The following ZNF362 variants were observed in gnomAD, a reference collection of about 807,000 sequenced individuals.
ZNF362 encodes rotund homolog.
In ZNF362, 11 loss-of-function variants were observed where a neutral mutation model predicts 42.9. That is an observed-to-expected ratio of 0.26 (90% CI 0.16 to 0.42). ZNF362 has a LOEUF of 0.42. Among genes scored for constraint, ZNF362 ranks in the 20% least tolerant of loss-of-function variants. The probability of loss-of-function intolerance (pLI) is 1.00; values close to 1 mark genes in which losing one functional copy is unlikely to be tolerated. For synonymous variants in ZNF362, 255 were observed against 257.3 expected, an observed-to-expected ratio of 0.99 and a Z score of 0.09; for missense variants, 362 against 576.2, an observed-to-expected ratio of 0.63 and a Z score of 3.81.
chr1:33,280,335 C>G lies in ZNF362; in HGVS notation c.561C>G (p.Pro187=), dbSNP rs745425657. 6.2e-7 allele frequency: 1 copy of G among 1,614,076 alleles called. No homozygotes were observed. Among genetic ancestry groups the G allele is most frequent in the Non-Finnish European group, 8.5e-7 (1 of 1,179,956 alleles). The change falls in exon 5 of 9, where the codon CCC becomes CCG. Residue 187 remains proline, a synonymous_variant. Coordinates refer to ENST00000539719, the MANE Select transcript of ZNF362 (RefSeq NM_152493.3). This position sits in a 1 kb window ranked among gnomAD's most constrained non-coding sequence, Gnocchi z 5.6. ...TCCAGGGCCACGGCCTGCTTGGCCCCCCCAAGTCCGAACGCGGCCGCAAAA... is the reference window on the plus strand; with the variant it reads ...TCCAGGGCCACGGCCTGCTTGGCCCGCCCAAGTCCGAACGCGGCCGCAAAA... ...KTIQGHGLLG[P]PKSERGRKKI...
chr1:33,165,475 G>T, the ZNF362 span: 1 of 1,601,156 alleles, frequency 6.2e-7, no homozygotes. The surrounding 1 kb of genome is among the most constrained non-coding windows in gnomAD (Gnocchi z 4.0). Context: ...GCTCACCTTG[G>T]TCTCCGCCAG....
At chr1:33,226,318 T>C in the ZNF362 span, among the ~76,000 whole-genome samples, 2 of 152,216 alleles carry the variant, frequency 1.3e-5, no homozygotes, top group Admixed American at 1.3e-4. Context: ...CAAAATCTTG[T>C]CTGGGGTCCA....
At chr1:33,279,555 T>C (rs925986951) in intron 4 of ZNF362, among the ~76,000 whole-genome samples, 1 of 152,174 alleles carries the variant, frequency 6.6e-6, no homozygotes, top group Non-Finnish European at 1.5e-5. Context: ...GTTGATATTA[T>C]GTTTCTAGTC....
chr1:33,279,646 C>CTTTTTTTTTTT (rs567406398), intron 4 of ZNF362, among the ~76,000 whole-genome samples: 1 of 147,344 alleles, frequency 6.8e-6, no homozygotes. Flanking sequence ...AGTTAAGCCT[C>CTTTTTTTTTTT]TTTTTTTTTT....
chr1:33,260,122 C>G (rs1645819637), intron 1 of ZNF362, among the ~76,000 whole-genome samples: 2 of 152,190 alleles, frequency 1.3e-5, no homozygotes, highest in South Asian at 4.1e-4. Context: ...AATTTGAGAA[C>G]CGTGATGCTG....
rs768412488 is a variant in ZNF362 at position 33,298,997 on chromosome 1, C to T, written c.1214C>T (p.Pro405Leu). ...GAGCACCTGGTGAGCCATCACTCGCCCCAGAGGACGGAGTCCCCCGGCATC... is the reference window on the plus strand; with the variant it reads ...GAGCACCTGGTGAGCCATCACTCGCTCCAGAGGACGGAGTCCCCCGGCATC... ...VVEHLVSHHS[P>L]QRTESPGIPV... Residue 405 changes from proline (P) to leucine (L), a missense_variant, in exon 9 of 9, where the codon CCC becomes CTC. Transcript: ENST00000539719. 3 of 1,613,140 alleles carry T rather than the reference C, an allele frequency of 1.9e-6. No individual in the cohort carries two copies. The highest frequency in any genetic ancestry group is 3.3e-5 in the Admixed American group (2 of 60,030).
At chr1:33,185,509 A>G in the ZNF362 span, among the ~76,000 whole-genome samples, 6 of 152,216 alleles carry the variant, frequency 3.9e-5, no homozygotes, top group Admixed American at 3.3e-4. Flanking sequence ...GGTGTGAGCC[A>G]CCGTGCCCGA....
chr1:33,130,281 G>C, the ZNF362 span, among the ~76,000 whole-genome samples: 2 of 152,168 alleles, frequency 1.3e-5, no homozygotes, highest in South Asian at 4.1e-4. Context: ...TCCTCCCGTT[G>C]AGTATGGATG....
At chr1:33,144,654 G>C in the ZNF362 span, among the ~76,000 whole-genome samples, 1 of 152,184 alleles carries the variant, frequency 6.6e-6, no homozygotes, top group South Asian at 2.1e-4. Flanking sequence ...TTCTTCTTTA[G>C]TCGACAGTCT....
At chr1:33,261,502 A>G (rs556515963) in intron 1 of ZNF362, 2 of 152,124 alleles carry the variant, frequency 1.3e-5, no homozygotes, top group African/African-American at 2.4e-5. Context: ...GCCTCGGTGC[A>G]TTGTTGAATG....
the ZNF362 span, among the ~76,000 whole-genome samples, chr1:33,153,312 G>A: frequency 6.6e-6 from 1 of 152,228 alleles, no homozygotes; most frequent in South Asian, 2.1e-4. Context: ...CTCCCCAGGG[G>A]CCTCTGCTCT....
At chr1:33,230,456 A>G in the ZNF362 span, among the ~76,000 whole-genome samples, 1 of 152,216 alleles carries the variant, frequency 6.6e-6, no homozygotes, top group Non-Finnish European at 1.5e-5. Flanking sequence ...AAAACCAGTC[A>G]TGGCTCTCTC....
In ZNF362 at chr1:33,280,248, C is replaced by T. The variant is rs759264251; in HGVS notation, c.474C>T (p.Ala158=). 1.2e-6 allele frequency: 2 copies of T among 1,614,078 alleles called. No homozygotes were observed. Among genetic ancestry groups the T allele is most frequent in the Non-Finnish European group, 1.7e-6 (2 of 1,179,942 alleles). Reference sequence around the variant, plus strand: ...CCACCAGCCAGAGCCGCCTCATCGCCTCGTCCCCCACCCTCATCTCAGGGA... The same window carrying T: ...CCACCAGCCAGAGCCGCCTCATCGCTTCGTCCCCCACCCTCATCTCAGGGA... ...PTTTSQSRLI[A]SSPTLISGIT... Residue 158 remains alanine (A), a synonymous_variant, in exon 5 of 9, where the codon GCC becomes GCT. Coordinates refer to ENST00000539719, the MANE Select transcript of ZNF362 (RefSeq NM_152493.3). The surrounding 1 kb of genome is among the most constrained non-coding windows in gnomAD (Gnocchi z 5.6).
At chr1:33,282,040 C>T (rs1645998661) in intron 6 of ZNF362, 2 of 568,872 alleles carry the variant, frequency 3.5e-6, no homozygotes, top group Admixed American at 6.1e-5. Context: ...CAGAGAGACA[C>T]CCCTCTCCCG....
At chr1:33,221,544 A>G in the ZNF362 span, among the ~76,000 whole-genome samples, 2 of 152,232 alleles carry the variant, frequency 1.3e-5, no homozygotes, top group Non-Finnish European at 2.9e-5. Flanking sequence ...GGCATTTCTC[A>G]TCAAGATCTT....
intron 8 of ZNF362, among the ~76,000 whole-genome samples, chr1:33,295,508 T>TG (rs1419890438): frequency 4.6e-5 from 7 of 152,218 alleles, no homozygotes; most frequent in African/African-American, 9.6e-5. Flanking sequence ...CAGCTACCCC[T>TG]GACCAAGCCC....
chr1:33,148,422 T>C, the ZNF362 span, among the ~76,000 whole-genome samples: 1 of 152,166 alleles, frequency 6.6e-6, no homozygotes, highest in Non-Finnish European at 1.5e-5. Flanking sequence ...TTTGTTTTGT[T>C]TGGAACTTCC....
chr1:33,141,443 A>G, the ZNF362 span, among the ~76,000 whole-genome samples: 1 of 152,106 alleles, frequency 6.6e-6, no homozygotes, highest in African/African-American at 2.4e-5. Context: ...GCTAGAAACT[A>G]ACCCTCTCTG....
intron 6 of ZNF362, among the ~76,000 whole-genome samples, chr1:33,290,488 A>G (rs1472228672): frequency 6.6e-6 from 1 of 152,062 alleles, no homozygotes; most frequent in Admixed American, 6.6e-5. Flanking sequence ...GTTGGTTCCA[A>G]GTCTTTGCTA....
Sources: gnomAD v4.1 joint callset for allele counts (sites outside exome capture counted in the v4.1 genomes callset) on GRCh38, gnomAD v4.1.1 for gene constraint, Gnocchi (gnomAD v3.1) non-coding constraint, MANE v1.5 for transcripts, NCBI Gene and HGNC (gene_info 2026-07-23, HGNC 2026-07-21) for gene names.